EFCAB13: variants seen among roughly 807,000 people sequenced by gnomAD.
EFCAB13 encodes EF-hand calcium-binding domain-containing protein 13.
Under a neutral mutation model 110.2 loss-of-function variants are expected in EFCAB13, and 91 were observed. The ratio of observed to expected loss-of-function variants is 0.83; its 90% CI spans 0.70 to 0.98. The LOEUF is 0.98. Among genes scored for constraint, EFCAB13 ranks in the 50% least tolerant of loss-of-function variants. The pLI, the probability that EFCAB13 is intolerant of heterozygous loss-of-function variation, is 0.00. For synonymous variants in EFCAB13, 323 were observed against 369.9 expected (o/e 0.87, Z 1.45); for missense variants, 968 against 1,119.4 (o/e 0.86, Z 1.93).
intron 9 of EFCAB13, among the ~76,000 whole-genome samples, chr17:47,360,443 C>T (rs955387944): frequency 5.9e-5 from 9 of 152,178 alleles, no homozygotes; most frequent in Non-Finnish European, 1.3e-4. Context: ...AGTGTCTGTT[C>T]ATATCCTTTG....
At chr17:47,348,646 A>G (rs2065431519) in intron 9 of EFCAB13, among the ~76,000 whole-genome samples, 1 of 151,930 alleles carries the variant, frequency 6.6e-6, no homozygotes. Flanking sequence ...GTTCTAATAG[A>G]TATACGGTTA....
intron 16 of EFCAB13, among the ~76,000 whole-genome samples, 183 bp from the exon 17 acceptor site, chr17:47,395,651 A>G (rs1158005551): frequency 6.6e-6 from 1 of 152,194 alleles, no homozygotes; most frequent in Non-Finnish European, 1.5e-5. Context: ...TCAAAAATAC[A>G]TTATATTTTA....
In EFCAB13 at chr17:47,403,933, G is replaced by C; in HGVS notation, c.2073G>C (p.Gly691=). 6.2e-7 allele frequency: 1 copy of C among 1,611,194 alleles called. No homozygotes were observed. Among genetic ancestry groups the C allele is most frequent in the Non-Finnish European group, 8.5e-7 (1 of 1,178,372 alleles). Residue 691 remains glycine (G), a synonymous_variant, in exon 19 of 25, where the codon GGG becomes GGC. Transcript: ENST00000331493. ...ADLLEGDMIA[G]KNLEDFLRNV... ...TGCTGGAAGGTGACATGATAGCTGG[G>C]AAGAACTTGGAAGACTTTCTAAGAA...
chr17:47,421,134 C>T (rs1206839996), intron 23 of EFCAB13, among the ~76,000 whole-genome samples: 13 of 152,002 alleles, frequency 8.6e-5, no homozygotes, highest in Non-Finnish European at 1.6e-4. Context: ...ACCACCCCGT[C>T]TGGGAGGTGT....
chr17:47,430,225 T>C (rs1206483217), intron 24 of EFCAB13: 3 of 1,062,424 alleles, frequency 2.8e-6, no homozygotes, highest in African/African-American at 1.7e-5. Context: ...CTGACTGACA[T>C]GCACAGTGGT....
At chr17:47,328,705 G>T in intron 4 of EFCAB13, 1 of 226,446 alleles carries the variant, frequency 4.4e-6, no homozygotes, top group Non-Finnish European at 8.5e-6. Context: ...TGATGTGAGA[G>T]TATAACCAAA....
chr17:47,415,138 CA>C (rs1393729180), intron 23 of EFCAB13, among the ~76,000 whole-genome samples: 1 of 150,396 alleles, frequency 6.6e-6, no homozygotes, highest in African/African-American at 2.5e-5. Flanking sequence ...ATCACAAGAA[CA>C]AAAAACCAAA....
rs753206142 is a variant in EFCAB13, at chr17:47,414,836, T to C, written c.2423-12T>C. 2 of 1,577,118 alleles carry C rather than the reference T, an allele frequency of 1.3e-6. No homozygotes were observed. The highest frequency in any genetic ancestry group is 2.3e-5 in the South Asian group (2 of 87,550). On this transcript the variant is annotated splice_polypyrimidine_tract_variant and intron_variant, in intron 22 of 24. Transcript: ENST00000331493. ...GTTTTTAATGTCAGCATTTTTTACTTTGACCTTCCAGATAATATGGAGGTG... is the reference window on the plus strand; with the variant it reads ...GTTTTTAATGTCAGCATTTTTTACTCTGACCTTCCAGATAATATGGAGGTG...
At chr17:47,434,301 T>A (rs1905171031) in intron 24 of EFCAB13, among the ~76,000 whole-genome samples, 2 of 150,756 alleles carry the variant, frequency 1.3e-5, no homozygotes, top group Non-Finnish European at 3.0e-5. Flanking sequence ...CTCAATCCCC[T>A]TCACAACAGC....
intron 24 of EFCAB13, among the ~76,000 whole-genome samples, chr17:47,437,469 T>C (rs1005435245): frequency 1.3e-5 from 2 of 152,132 alleles, no homozygotes; most frequent in African/African-American, 2.4e-5. Context: ...ATGTTTAGAA[T>C]TGTGATATTT....
chr17:47,335,106 C>A, intron 4 of EFCAB13, 90 bp from the exon 5 acceptor site: 3 of 1,324,880 alleles, frequency 2.3e-6, no homozygotes, highest in South Asian at 1.7e-5. Flanking sequence ...GAAAGAATAT[C>A]AATCTAAAAT....
At chr17:47,410,448 C>A (rs1018677912) in intron 21 of EFCAB13, among the ~76,000 whole-genome samples, 1 of 152,172 alleles carries the variant, frequency 6.6e-6, no homozygotes, top group Non-Finnish European at 1.5e-5. Flanking sequence ...ACAATCAAAC[C>A]ATAGCATTCC....
chr17:47,352,819 C>G (rs1201845058), intron 9 of EFCAB13, among the ~76,000 whole-genome samples: 1 of 151,960 alleles, frequency 6.6e-6, no homozygotes. Context: ...AAATGTATTC[C>G]TAGGTACTTT....
At chr17:47,403,460 A>G (rs897116007) in intron 18 of EFCAB13, among the ~76,000 whole-genome samples, 3 of 152,196 alleles carry the variant, frequency 2.0e-5, no homozygotes, top group African/African-American at 7.2e-5. Flanking sequence ...CTAGGGTACA[A>G]TTGGGTCCTG....
rs372847535 is a variant in EFCAB13 at position 47,325,623 on chromosome 17, T to C, written c.-247-603T>C. Among the ~76,000 whole-genome samples the C allele has an allele frequency of 1.4e-4, 22 of 152,084 alleles. 1 individual carries two copies. The East Asian group carries it at 1.5e-3, about 11-fold the overall frequency. ...AACATTCTTCTTGCCTCGGGGCTTTTGTACTTACTTTTCTTTCTGGCTGAA... is the reference window on the plus strand; with the variant it reads ...AACATTCTTCTTGCCTCGGGGCTTTCGTACTTACTTTTCTTTCTGGCTGAA... On this transcript the variant is annotated intron_variant, in intron 2 of 24. Coordinates refer to ENST00000331493, the MANE Select transcript of EFCAB13 (RefSeq NM_152347.5).
chr17:47,377,092 T>C (rs2065619695), intron 12 of EFCAB13, among the ~76,000 whole-genome samples: 1 of 152,202 alleles, frequency 6.6e-6, no homozygotes, highest in Non-Finnish European at 1.5e-5. Flanking sequence ...TGAAGAACTC[T>C]ACATTTTTGC....
At chr17:47,386,430 T>C (rs2065676553) in intron 14 of EFCAB13, among the ~76,000 whole-genome samples, 1 of 152,114 alleles carries the variant, frequency 6.6e-6, no homozygotes, top group African/African-American at 2.4e-5. Context: ...CTTCCAGGCC[T>C]TTTTAGCGCT....
chr17:47,346,131 T>C (rs548462203), intron 8 of EFCAB13, among the ~76,000 whole-genome samples: 7 of 152,292 alleles, frequency 4.6e-5, no homozygotes, highest in African/African-American at 1.7e-4. Context: ...GGCACAATAT[T>C]GTACAGTATT....
rs148386272 is a variant in EFCAB13, at chr17:47,352,058, C to T, written c.661+4107C>T. ...CTGGGACTACAGGTGCCCGCCACCA[C>T]GCCTGGCTAATTTTTTTGTATTTTT... On this transcript the variant is annotated intron_variant, in intron 9 of 24. Coordinates refer to ENST00000331493, the MANE Select transcript of EFCAB13 (RefSeq NM_152347.5). Among the ~76,000 whole-genome samples the T allele has an allele frequency of 4.3e-3, 658 of 151,836 alleles. 18 individuals carry two copies. In the East Asian group the frequency reaches 0.065, roughly 15 times the overall value.
Sources: gnomAD v4.1 joint callset for allele counts (sites outside exome capture counted in the v4.1 genomes callset) on GRCh38, gnomAD v4.1.1 for gene constraint, MANE v1.5 for transcripts, NCBI Gene and HGNC (gene_info 2026-07-23, HGNC 2026-07-21) for gene names.